SERTM1: variants seen among roughly 807,000 people sequenced by gnomAD.
SERTM1 encodes serine rich and transmembrane domain containing 1, also known as serine-rich and transmembrane domain-containing protein 1.
SERTM1 carries 1 observed loss-of-function variant against 5.5 expected under a neutral mutation model. The observed-to-expected ratio is 0.18, with a 90% CI of 0.06 to 0.86. The LOEUF (loss-of-function observed/expected upper bound fraction) is 0.86. Ranked by LOEUF, SERTM1 falls within the 40% of genes least tolerant of loss-of-function variation. The pLI is 0.69. For synonymous variants in SERTM1, 52 were observed against 55.1 expected, an observed-to-expected ratio of 0.94 and a Z score of 0.25; for missense variants, 91 against 122.4, an observed-to-expected ratio of 0.74 and a Z score of 1.21.
intron 1 of SERTM1, among the ~76,000 whole-genome samples, chr13:36,685,554 T>A (rs2056735144): frequency 1.3e-5 from 2 of 152,198 alleles, no homozygotes. Flanking sequence ...TATAAATGTT[T>A]CCTATTTTTT....
At chr13:36,691,924 G>C (rs1365143669) in intron 1 of SERTM1, among the ~76,000 whole-genome samples, 1 of 152,090 alleles carries the variant, frequency 6.6e-6, no homozygotes, top group African/African-American at 2.4e-5. Context: ...TAAAACCAAA[G>C]AGAAAGAAGA....
intron 1 of SERTM1, among the ~76,000 whole-genome samples, chr13:36,679,914 C>T (rs527621316): frequency 2.0e-5 from 3 of 152,196 alleles, no homozygotes; most frequent in South Asian, 2.1e-4. Flanking sequence ...GATGGTTCAA[C>T]GCACACAACT....
rs585469 is a variant in SERTM1 at position 36,686,511 on chromosome 13, C to T, written c.-173-8395C>T. Among the ~76,000 whole-genome samples the T allele has an allele frequency of 4.8e-3, 732 of 152,168 alleles. 7 individuals carry two copies. The highest frequency in any genetic ancestry group is 0.017 in the African/African-American group (707 of 41,520). ...CTATATATCTGTCAACTAGATTAAC[C>T]AGTTAACATTTTGACACACTTGTTT... is the stretch of plus-strand genomic sequence containing the variant. On this transcript the variant is annotated intron_variant, in intron 1 of 1. Coordinates refer to ENST00000315190, the MANE Select transcript of SERTM1 (RefSeq NM_203451.3).
At chr13:36,691,353 A>G (rs1162566028) in intron 1 of SERTM1, among the ~76,000 whole-genome samples, 1 of 152,208 alleles carries the variant, frequency 6.6e-6, no homozygotes, top group Non-Finnish European at 1.5e-5. Flanking sequence ...ACTGGGAACC[A>G]GAGACCCCAG....
At chr13:36,694,201 A>G (rs764853987) in intron 1 of SERTM1, among the ~76,000 whole-genome samples, 2 of 152,230 alleles carry the variant, frequency 1.3e-5, no homozygotes, top group Non-Finnish European at 2.9e-5. Context: ...TTTCCCAAAG[A>G]TAATGGAGAA....
intron 1 of SERTM1, among the ~76,000 whole-genome samples, chr13:36,687,111 G>C (rs1187745615): frequency 6.6e-6 from 1 of 152,178 alleles, no homozygotes; most frequent in Non-Finnish European, 1.5e-5. Flanking sequence ...ATCTGGATGA[G>C]ATGGGCAATT....
chr13:36,684,663 G>C (rs1334969038), intron 1 of SERTM1, among the ~76,000 whole-genome samples: 1 of 151,680 alleles, frequency 6.6e-6, no homozygotes, highest in Non-Finnish European at 1.5e-5. Flanking sequence ...ATGTGTCTCT[G>C]CATCCCAGCT....
chr13:36,686,071 C>T (rs1269838130), intron 1 of SERTM1, among the ~76,000 whole-genome samples: 4 of 152,142 alleles, frequency 2.6e-5, no homozygotes, highest in Non-Finnish European at 4.4e-5. Flanking sequence ...CTCCTGGAGG[C>T]CCAGATGAGA....
chr13:36,678,368 T>C (rs1399474646), intron 1 of SERTM1, among the ~76,000 whole-genome samples: 1 of 152,104 alleles, frequency 6.6e-6, no homozygotes, highest in Non-Finnish European at 1.5e-5. Flanking sequence ...TAGTAGTTGT[T>C]GTTTTACAAA....
intron 1 of SERTM1, 77 bp from the exon 2 acceptor site, chr13:36,694,829 T>G (rs922491852): frequency 1.4e-5 from 7 of 509,520 alleles, no homozygotes; most frequent in Non-Finnish European, 2.4e-5. Flanking sequence ...TAACTAATCC[T>G]TACTGAAATA....
intron 1 of SERTM1, among the ~76,000 whole-genome samples, chr13:36,685,383 G>A (rs1357734047): frequency 2.6e-5 from 4 of 152,176 alleles, no homozygotes; most frequent in African/African-American, 7.2e-5. Context: ...CCAGGTAGAT[G>A]AGTAATTTTG....
chr13:36,677,256 C>A (rs937437550), intron 1 of SERTM1, among the ~76,000 whole-genome samples: 3 of 152,166 alleles, frequency 2.0e-5, no homozygotes, highest in African/African-American at 7.2e-5. Context: ...GATGTCTGAG[C>A]CGTCAAACAG....
intron 1 of SERTM1, among the ~76,000 whole-genome samples, chr13:36,689,913 G>A (rs573472302): frequency 4.9e-4 from 75 of 152,238 alleles, no homozygotes; most frequent in Non-Finnish European, 5.9e-5. Context: ...CACTAAGGGA[G>A]AGATGGAGAG....
Position 36,695,758 on chromosome 13 carries a change from CA to C in SERTM1, c.*359del. The C allele has an allele frequency of 4.5e-6, 1 of 222,490 alleles. No individual in the cohort carries two copies. The highest frequency in any genetic ancestry group is 2.3e-5 in the African/African-American group (1 of 43,420). 13.8% of individuals were successfully genotyped at this position (222,490 alleles called of 1,614,324 possible). A position where few individuals can be genotyped will look rare whatever the true frequency, so the allele number is the denominator to read the frequency against. On this transcript the variant is annotated 3_prime_UTR_variant, in exon 2 of 2. Coordinates refer to ENST00000315190, the MANE Select transcript of SERTM1 (RefSeq NM_203451.3). ...ATGGACTCGCACTTCATTTCTTTTA[CA>C]AAGCCGTGAAATCAACTGAGCCTGC...
At chr13:36,689,545 TAG>T (rs2138095325) in intron 1 of SERTM1, among the ~76,000 whole-genome samples, 2 of 148,126 alleles carry the variant, frequency 1.4e-5, no homozygotes, top group South Asian at 4.2e-4. Context: ...ATAATAATAA[TAG>T]TTTTTTTCCC....
At chr13:36,685,048 A>G (rs1473390316) in intron 1 of SERTM1, among the ~76,000 whole-genome samples, 2 of 152,226 alleles carry the variant, frequency 1.3e-5, no homozygotes, top group African/African-American at 4.8e-5. Flanking sequence ...TATTGCTTCC[A>G]TATTGTCTTT....
chr13:36,693,908 C>T (rs536531311), intron 1 of SERTM1, among the ~76,000 whole-genome samples: 2 of 152,176 alleles, frequency 1.3e-5, no homozygotes, highest in Non-Finnish European at 2.9e-5. Flanking sequence ...TCTTGTCTCA[C>T]AACCTGAACA....
At chr13:36,678,893 A>G (rs946674122) in intron 1 of SERTM1, among the ~76,000 whole-genome samples, 2 of 151,908 alleles carry the variant, frequency 1.3e-5, no homozygotes, top group Non-Finnish European at 2.9e-5. Context: ...TATCATTTAC[A>G]CTGTTATCCT....
At chr13:36,692,791 T>C (rs663733) in intron 1 of SERTM1, among the ~76,000 whole-genome samples, 115,929 of 152,172 alleles carry the variant, frequency 0.76, 44,496 homozygotes, top group East Asian at 0.87. Context: ...TAATTTTTCT[T>C]TTCTTACCAC....
Sources: allele counts gnomAD v4.1 joint callset (sites outside exome capture counted in the v4.1 genomes callset), GRCh38; gene constraint gnomAD v4.1.1; transcripts MANE v1.5; gene names NCBI Gene and HGNC (gene_info 2026-07-23, HGNC 2026-07-21).